CDH7: variants seen among roughly 807,000 people sequenced by gnomAD.
CDH7 encodes cadherin 7, also known as cadherin-7.
In CDH7, 25 loss-of-function variants were observed where a neutral mutation model predicts 71.8. The observed-to-expected ratio is 0.35, with a 90% CI of 0.25 to 0.49. The LOEUF is 0.49. Among genes scored for constraint, CDH7 ranks in the 20% least tolerant of loss-of-function variants. CDH7 has a pLI of 0.99. For missense variants in CDH7, 862 were observed against 974.6 expected, an observed-to-expected ratio of 0.88 and a Z score of 1.54; for synonymous variants, 381 against 363.8, an observed-to-expected ratio of 1.05 and a Z score of -0.54.
chr18:65,782,180 T>TTCTC lies in CDH7; in HGVS notation c.210+19131_210+19132insCTCT, dbSNP rs1568182817. On this transcript the variant is annotated intron_variant, in intron 2 of 11. Transcript: ENST00000397968. ...TTTCTTTCTTCCTTTCTTTCTTTCTTTCTTTCTTGACAGAGTCTCACTCCG... is the reference window on the plus strand; with the variant it reads ...TTTCTTTCTTCCTTTCTTTCTTTCTTTCTCTCTTTCTTGACAGAGTCTCACTCCG... Among the ~76,000 whole-genome samples the TTCTC allele has an allele frequency of 7.0e-4, 97 of 138,660 alleles. 11 individuals are homozygous for TTCTC. The highest frequency in any genetic ancestry group is 2.6e-3 in the African/African-American group (87 of 32,956). The allele number at this position is 138,660 out of a possible 152,430, so 91.0% of individuals were successfully genotyped here.
chr18:65,831,354 C>T (rs564463554), intron 6 of CDH7, among the ~76,000 whole-genome samples: 2 of 152,104 alleles, frequency 1.3e-5, no homozygotes, highest in African/African-American at 4.8e-5. Context: ...CTTAAAAGAA[C>T]GCGATCTGCT....
chr18:65,829,146 G>T (rs1040051837), intron 6 of CDH7, among the ~76,000 whole-genome samples: 17 of 40,330 alleles, frequency 4.2e-4, no homozygotes, highest in African/African-American at 1.2e-3. Context: ...TTGAGATGGG[G>T]TCTCGCTTTG....
Position 65,880,385 on chromosome 18 carries a change from T to C in CDH7, c.1865-16T>C. ...TGAGTTTACTGAAACTTTCTCTTCC[T>C]GTCTTATTGTTTCAGTGTTGATCCT... On this transcript the variant is annotated splice_polypyrimidine_tract_variant and intron_variant, in intron 11 of 11. Transcript: ENST00000397968. The C allele has an allele frequency of 6.6e-7, 1 of 1,520,172 alleles. No homozygotes were observed. The highest frequency in any genetic ancestry group is 8.8e-7 in the Non-Finnish European group (1 of 1,138,336). The allele number at this position is 1,520,172 out of a possible 1,614,324, so 94.2% of individuals were successfully genotyped here.
chr18:65,811,276 A>G (rs1429163676), intron 3 of CDH7, among the ~76,000 whole-genome samples: 1 of 152,034 alleles, frequency 6.6e-6, no homozygotes, highest in African/African-American at 2.4e-5. Flanking sequence ...GATGTGTATC[A>G]TGTGTGCTCT....
chr18:65,848,232 C>T (rs376673985), intron 7 of CDH7, among the ~76,000 whole-genome samples: 3 of 152,142 alleles, frequency 2.0e-5, no homozygotes, highest in African/African-American at 4.8e-5. Context: ...GGATTTGACT[C>T]ATTTCTCATG....
At chr18:65,861,018 A>C (rs1183346169) in intron 10 of CDH7, among the ~76,000 whole-genome samples, 1 of 152,182 alleles carries the variant, frequency 6.6e-6, no homozygotes, top group African/African-American at 2.4e-5. Flanking sequence ...GTACAAGTGC[A>C]GAGAAGGGAA....
At chr18:65,852,080 A>G (rs1913169350) in intron 7 of CDH7, among the ~76,000 whole-genome samples, 1 of 152,158 alleles carries the variant, frequency 6.6e-6, no homozygotes, top group Non-Finnish European at 1.5e-5. Flanking sequence ...AGAATTGGAG[A>G]TGTGTGTGGT....
intron 2 of CDH7, among the ~76,000 whole-genome samples, chr18:65,808,591 CACTT>C (rs1281839228): frequency 6.6e-6 from 1 of 152,120 alleles, no homozygotes; most frequent in Non-Finnish European, 1.5e-5. Context: ...GGGAAAGAAT[CACTT>C]ACAGAAATTC....
intron 2 of CDH7, among the ~76,000 whole-genome samples, chr18:65,772,810 A>T (rs1026996731): frequency 6.6e-6 from 1 of 152,154 alleles, no homozygotes; most frequent in Non-Finnish European, 1.5e-5. Context: ...TAGACTGATG[A>T]TGGAAAATAC....
intron 6 of CDH7, among the ~76,000 whole-genome samples, chr18:65,840,293 A>G (rs79158623): frequency 6.6e-6 from 1 of 152,212 alleles, no homozygotes; most frequent in Non-Finnish European, 1.5e-5. Flanking sequence ...CACTTGATGT[A>G]TGAAAAAGTA....
At chr18:65,775,725 C>T (rs1437276914) in intron 2 of CDH7, among the ~76,000 whole-genome samples, 1 of 152,142 alleles carries the variant, frequency 6.6e-6, no homozygotes, top group East Asian at 1.9e-4. Context: ...GCATTCAGAG[C>T]CATCCTGGGC....
intron 2 of CDH7, among the ~76,000 whole-genome samples, chr18:65,787,057 A>G (rs1214568756): frequency 1.3e-5 from 2 of 152,002 alleles, no homozygotes; most frequent in Non-Finnish European, 2.9e-5. Flanking sequence ...TCACATATTT[A>G]TATGTTTTCA....
intron 6 of CDH7, among the ~76,000 whole-genome samples, chr18:65,840,356 A>C (rs1912684725): frequency 6.6e-6 from 1 of 152,170 alleles, no homozygotes; most frequent in East Asian, 1.9e-4. Flanking sequence ...TGGTGAAGCC[A>C]CAGAGTCATT....
intron 4 of CDH7, 52 bp from the exon 5 acceptor site, chr18:65,822,029 G>T (rs987151058): frequency 1.5e-6 from 2 of 1,375,274 alleles, no homozygotes; most frequent in Non-Finnish European, 2.1e-6. Flanking sequence ...TTCTTTGTTA[G>T]TATAAATGCA....
At chr18:65,837,027 C>T (rs1912554780) in intron 6 of CDH7, among the ~76,000 whole-genome samples, 1 of 152,134 alleles carries the variant, frequency 6.6e-6, no homozygotes, top group African/African-American at 2.4e-5. Flanking sequence ...CCATAGACCT[C>T]TATGAATGCA....
At chr18:65,863,965 T>C (rs1365693421) in intron 11 of CDH7, 1 of 152,190 alleles carries the variant, frequency 6.6e-6, no homozygotes, top group African/African-American at 2.4e-5. Flanking sequence ...ATGGTGAATG[T>C]TCAATAAATT....
rs532607388 is a variant in CDH7, at chr18:65,800,154, A to G, written c.211-9550A>G. 6.6e-5 allele frequency among the ~76,000 whole-genome samples: 10 copies of G among 152,256 alleles called. No individual in the cohort carries two copies. The East Asian group carries it at 1.7e-3, about 27-fold the overall frequency. ...GAGTGAAGTGGTGTGATCTTGGCTC[A>G]CTGCAACCTCCATCTCCCAGGTTCA... is the stretch of plus-strand genomic sequence containing the variant. On this transcript the variant is annotated intron_variant, in intron 2 of 11. Coordinates refer to ENST00000397968, the MANE Select transcript of CDH7 (RefSeq NM_004361.5).
intron 6 of CDH7, among the ~76,000 whole-genome samples, chr18:65,840,745 C>T (rs1283770242): frequency 6.6e-6 from 1 of 152,128 alleles, no homozygotes; most frequent in African/African-American, 2.4e-5. Flanking sequence ...GTCCATTAAA[C>T]CTCTTTCTTT....
intron 11 of CDH7, among the ~76,000 whole-genome samples, chr18:65,868,786 A>G (rs190222325): frequency 7.9e-5 from 12 of 152,324 alleles, no homozygotes; most frequent in South Asian, 6.2e-4. Context: ...CTTTTCTTCT[A>G]TATTAACTGA....
Sources: gnomAD v4.1 joint callset for allele counts (sites outside exome capture counted in the v4.1 genomes callset) on GRCh38, gnomAD v4.1.1 for gene constraint, MANE v1.5 for transcripts, NCBI Gene and HGNC (gene_info 2026-07-23, HGNC 2026-07-21) for gene names.